The following EXOC3 variants were observed in gnomAD, a reference collection of about 807,000 sequenced individuals.
The protein encoded by EXOC3 is SEC6-like 1.
Under a neutral mutation model 73.7 loss-of-function variants are expected in EXOC3, and 21 were observed. The ratio of observed to expected loss-of-function variants is 0.29; its 90% confidence interval spans 0.20 to 0.41. EXOC3 has a LOEUF of 0.41. Among genes scored for constraint, EXOC3 ranks in the 10% least tolerant of loss-of-function variants. The pLI is 1.00. For synonymous variants in EXOC3, 410 were observed against 389.1 expected (o/e 1.05, Z -0.63); for missense variants, 842 against 985.1 (o/e 0.85, Z 1.95).
chr5:457,113 C>T, intron 5 of EXOC3, 107 bp downstream of exon 5: 1 of 756,990 alleles, frequency 1.3e-6, no homozygotes, highest in Non-Finnish European at 2.3e-6. Flanking sequence ...GCGTTGACTT[C>T]CTAGGATGCA....
chr5:444,816 A>T (rs529580057), intron 1 of EXOC3: 1 of 152,004 alleles, frequency 6.6e-6, no homozygotes, highest in African/African-American at 2.4e-5. Flanking sequence ...CTGGATTGTG[A>T]GATTTAAGGG....
At chr5:447,990 C>T (rs1737554937) in intron 3 of EXOC3, among the ~76,000 whole-genome samples, 1 of 152,202 alleles carries the variant, frequency 6.6e-6, no homozygotes, top group Non-Finnish European at 1.5e-5. Flanking sequence ...GCGGGCTGCC[C>T]AGCAAATGCA....
At chr5:465,985 G>C in intron 12 of EXOC3, 140 bp downstream of exon 12, 1 of 941,720 alleles carries the variant, frequency 1.1e-6, no homozygotes, top group Non-Finnish European at 1.6e-6. Flanking sequence ...GCGGCACAGC[G>C]GGGCCCAGGC....
rs762549793 is a variant in EXOC3 at position 446,304 on chromosome 5, C to T, written c.99C>T (p.Arg33=). Residue 33 remains arginine (R), a synonymous_variant, in exon 2 of 13, where the codon CGC becomes CGT. Coordinates refer to ENST00000512944, the MANE Select transcript of EXOC3 (RefSeq NM_007277.5). ...AGCTGGACAAGGTGGAGCAGTATCG[C>T]AGGAGAGAAGCGCGGAAGAAGGCCT... ...PDQLDKVEQY[R]RREARKKASV... The T allele has an allele frequency of 1.2e-6, 2 of 1,613,688 alleles. No individual in the cohort carries two copies. The highest frequency in any genetic ancestry group is 2.2e-5 in the South Asian group (2 of 91,060).
rs746149777 is a variant in EXOC3, at chr5:462,214, G to A, written c.1560G>A (p.Val520=). The change falls in exon 9 of 13, where the codon GTG becomes GTA. Residue 520 remains valine (V), a synonymous_variant. Coordinates refer to ENST00000512944, the MANE Select transcript of EXOC3 (RefSeq NM_007277.5). ...TAAAGAATGAAGTGGAAGAGGGTGT[G>A]TCTCCGAGCCAGCCCAGCATGGACG... ...KYLKNEVEEG[V]SPSQPSMDGI... 2 of 1,613,972 alleles carry A rather than the reference G, an allele frequency of 1.2e-6. No individual in the cohort carries two copies. Among genetic ancestry groups the A allele is most frequent in the Admixed American group, 3.3e-5 (2 of 60,030 alleles).
intron 10 of EXOC3, 85 bp from the exon 11 acceptor site, chr5:465,026 C>T (rs1463245485): frequency 1.1e-5 from 15 of 1,401,798 alleles, no homozygotes; most frequent in African/African-American, 2.9e-5. Context: ...GGGGAGCCAC[C>T]GGGAGCCCCA....
chr5:443,744 C>T (rs906664983), intron 1 of EXOC3, among the ~76,000 whole-genome samples: 2 of 143,694 alleles, frequency 1.4e-5, no homozygotes, highest in African/African-American at 5.3e-5. Context: ...AGTGTCCCCT[C>T]AAGCACAGGT....
intron 2 of EXOC3, among the ~76,000 whole-genome samples, chr5:446,779 C>T (rs1238685248): frequency 6.6e-6 from 1 of 152,028 alleles, no homozygotes; most frequent in Non-Finnish European, 1.5e-5. Context: ...ATCGCTTGAA[C>T]CCAGGAGGCA....
intron 4 of EXOC3, among the ~76,000 whole-genome samples, chr5:455,844 T>G (rs550130227): frequency 2.0e-5 from 3 of 152,222 alleles, no homozygotes; most frequent in Admixed American, 1.3e-4. Flanking sequence ...GACCTCATGA[T>G]CCGCCCGTCT....
Position 467,142 on chromosome 5 carries a change from C to T in EXOC3, c.*244C>T, listed in dbSNP as rs1046618987. ...TCTGCCGCACAGCCTCTCTTGGGTG[C>T]TTGTTTGTTGCAGTGGTTGAAAGTG... On this transcript the variant is annotated 3_prime_UTR_variant, in exon 13 of 13. Coordinates refer to ENST00000512944, the MANE Select transcript of EXOC3 (RefSeq NM_007277.5). 7 of 521,986 alleles carry T rather than the reference C, an allele frequency of 1.3e-5. No individual in the cohort carries two copies. The highest frequency in any genetic ancestry group is 2.1e-5 in the Non-Finnish European group (6 of 291,454). 32.3% of individuals were successfully genotyped at this position (521,986 alleles called of 1,614,324 possible).
At chr5:459,664 T>G in intron 7 of EXOC3, 1 of 441,296 alleles carries the variant, frequency 2.3e-6, no homozygotes, top group Non-Finnish European at 4.1e-6. Context: ...CACACCCCCT[T>G]GGGCTCCCAG....
At position 457,614 on chromosome 5, in the gene EXOC3, G is replaced by A. The variant is rs571133281; in HGVS notation, c.1165-286G>A. 924 of 320,038 alleles carry A rather than the reference G, an allele frequency of 2.9e-3. 3 individuals carry two copies. The highest frequency in any genetic ancestry group is 8.6e-3 in the Middle Eastern group (9 of 1,050). The allele number at this position is 320,038 out of a possible 1,614,324, so 19.8% of individuals were successfully genotyped here. A position where few individuals can be genotyped will look rare whatever the true frequency, so the allele number is the denominator to read the frequency against. ...ATTCTCTGTGCACCTGGGATTCAGC[G>A]GCCTTGTCCTCCAGCATGAGGTGCA... On this transcript the variant is annotated intron_variant, in intron 5 of 12. Transcript: ENST00000512944.
intron 9 of EXOC3, among the ~76,000 whole-genome samples, chr5:463,453 A>G (rs1185270170): frequency 1.3e-5 from 2 of 152,252 alleles, no homozygotes; most frequent in Non-Finnish European, 1.5e-5. Context: ...TGAATGCTCA[A>G]CAGGACCTGC....
At chr5:466,607 C>T (rs1434379654) in intron 12 of EXOC3, 120 bp from the exon 13 acceptor site, 2 of 896,438 alleles carry the variant, frequency 2.2e-6, no homozygotes, top group Non-Finnish European at 3.3e-6. Context: ...TGCAATTTGT[C>T]TGCAGCGGTC....
Position 453,564 on chromosome 5 carries a change from C to G in EXOC3, c.559C>G (p.Leu187Val). The G allele has an allele frequency of 6.2e-7, 1 of 1,614,018 alleles. No individual in the cohort carries two copies. The highest frequency in any genetic ancestry group is 8.5e-7 in the Non-Finnish European group (1 of 1,179,898). Residue 187 changes from leucine (L) to valine (V), a missense_variant, in exon 4 of 13, where the codon CTG becomes GTG. Transcript: ENST00000512944. ...FGSTQGLSDE[L>V]AKQLWMVLQR... ...CAGCACGCAGGGGCTCTCTGATGAG[C>G]TGGCTAAGCAGCTGTGGATGGTGCT...
chr5:451,211 G>C (rs1239049261), intron 3 of EXOC3, among the ~76,000 whole-genome samples: 1 of 152,026 alleles, frequency 6.6e-6, no homozygotes, highest in East Asian at 1.9e-4. Flanking sequence ...TTCTATAGCT[G>C]TTTTCTTTGT....
At chr5:457,086 A>AG in intron 5 of EXOC3, 80 bp downstream of exon 5, 2 of 988,866 alleles carry the variant, frequency 2.0e-6, no homozygotes, top group Non-Finnish European at 1.6e-6. Flanking sequence ...GGCAGGAGGC[A>AG]GGGGGGAAAT....
chr5:452,408 G>A (rs937395700), intron 3 of EXOC3, among the ~76,000 whole-genome samples: 19 of 151,916 alleles, frequency 1.3e-4, no homozygotes, highest in African/African-American at 4.6e-4. Flanking sequence ...TCTCATTATT[G>A]GTATTTCCAT....
intron 6 of EXOC3, among the ~76,000 whole-genome samples, 167 bp downstream of exon 6, chr5:458,192 C>T: frequency 6.6e-6 from 1 of 152,262 alleles, no homozygotes; most frequent in South Asian, 2.1e-4. Context: ...CTGTCTCTTA[C>T]TCTCTGGAGC....
Sources: allele counts gnomAD v4.1 joint callset (sites outside exome capture counted in the v4.1 genomes callset), GRCh38; gene constraint gnomAD v4.1.1; transcripts MANE v1.5; gene names NCBI Gene and HGNC (gene_info 2026-07-23, HGNC 2026-07-21).